The following CCNB3 variants were observed in gnomAD, a reference collection of about 807,000 sequenced individuals.
CCNB3 encodes G2/mitotic-specific cyclin-B3.
In CCNB3, 12 loss-of-function variants were observed where a neutral mutation model predicts 68.0. That is an observed-to-expected ratio of 0.18 (90% CI 0.11 to 0.29). CCNB3 has a LOEUF of 0.29. Among genes scored for constraint, CCNB3 ranks in the 10% least tolerant of loss-of-function variants. The pLI is 1.00. For synonymous variants in CCNB3, 354 were observed against 388.9 expected (o/e 0.91, Z 1.06); for missense variants, 904 against 993.1 (o/e 0.91, Z 1.21).
intron 1 of CCNB3, among the ~76,000 whole-genome samples, chrX:50,208,460 G>T (rs782351295): frequency 8.9e-6 from 1 of 111,909 alleles, no homozygotes; most frequent in South Asian, 3.8e-4. Flanking sequence ...AATGAACACG[G>T]AACATCTTTC....
At chrX:50,336,739 C>T (rs1922873351) in intron 8 of CCNB3, among the ~76,000 whole-genome samples, 1 of 111,438 alleles carries the variant, frequency 9.0e-6, no homozygotes, top group African/African-American at 3.3e-5. Context: ...GTCTTAGCCT[C>T]TCCATGTCTG....
intron 8 of CCNB3, among the ~76,000 whole-genome samples, chrX:50,319,528 A>G (rs1426570446): frequency 9.0e-6 from 1 of 111,602 alleles, no homozygotes; most frequent in Non-Finnish European, 1.9e-5. Flanking sequence ...GGGGTTATCT[A>G]CATAGATAAT....
At chrX:50,215,179 C>A (rs1186421969) in intron 1 of CCNB3, among the ~76,000 whole-genome samples, 1 of 109,271 alleles carries the variant, frequency 9.2e-6, no homozygotes, top group Non-Finnish European at 1.9e-5. Flanking sequence ...TTAGTAGAGA[C>A]AGCGTTACAC....
chrX:50,317,558 T>TGTATGTATGTAG (rs1274044123), intron 8 of CCNB3, among the ~76,000 whole-genome samples: 1 of 106,439 alleles, frequency 9.4e-6, no homozygotes, highest in Non-Finnish European at 1.9e-5. Context: ...TATGTATGTA[T>TGTATGTATGTAG]GTATGTATGT....
intron 5 of CCNB3, among the ~76,000 whole-genome samples, chrX:50,299,744 C>T (rs1457884187): frequency 9.0e-6 from 1 of 110,840 alleles, no homozygotes; most frequent in Non-Finnish European, 1.9e-5. Flanking sequence ...GTTAAAGTCT[C>T]CCATTATTAT....
At chrX:50,225,999 A>T (rs940474584) in intron 1 of CCNB3, among the ~76,000 whole-genome samples, 47 of 92,020 alleles carry the variant, frequency 5.1e-4, no homozygotes, top group African/African-American at 1.8e-3. Flanking sequence ...ATGTATATAT[A>T]AATATATATA....
chrX:50,344,425 C>T (rs782511973), intron 9 of CCNB3, among the ~76,000 whole-genome samples: 28 of 112,328 alleles, frequency 2.5e-4, no homozygotes, highest in Admixed American at 1.1e-3. Flanking sequence ...TTTTTTCTGC[C>T]GCATTTTTTG....
At chrX:50,279,567 ATT>A (rs1250149202) in intron 1 of CCNB3, among the ~76,000 whole-genome samples, 50 of 86,690 alleles carry the variant, frequency 5.8e-4, no homozygotes, top group African/African-American at 2.1e-3. Context: ...ATGAATATAT[ATT>A]TTCTATATAT....
In CCNB3 at chrX:50,312,556, T is replaced by C. The variant is rs1921520928; in HGVS notation, c.3347T>C (p.Ile1116Thr). The change falls in exon 7 of 13, where the codon ATT becomes ACT. Residue 1116 changes from isoleucine (I) to threonine (T), a missense_variant. Ile to Thr is a moderately conservative substitution (Grantham distance 89, BLOSUM62 -1). Around this residue, in one of 2 missense-constraint regions of CCNB3, gnomAD observed 285 missense variants for 383.4 expected, o/e 0.74. Coordinates refer to ENST00000376042, the MANE Select transcript of CCNB3 (RefSeq NM_033031.3). ...TPKEITPRED[I>T]DEDSSDPSFN... ...AAGCAGATAACCCCACGGGAAGATA[T>C]TGATGAGGACAGCAGTGATCCAAGT... 8.3e-7 allele frequency: 1 copy of C among 1,205,150 alleles called. No individual in the cohort carries two copies. The highest frequency in any genetic ancestry group is 1.1e-6 in the Non-Finnish European group (1 of 890,805).
At chrX:50,351,133 G>A in intron 11 of CCNB3, 108 bp from the exon 12 acceptor site, 1 of 870,746 alleles carries the variant, frequency 1.1e-6, no homozygotes, top group Non-Finnish European at 1.6e-6. Flanking sequence ...TGTTTTGAAT[G>A]TCATCTCTGT....
chrX:50,223,222 C>T (rs1157581859), intron 1 of CCNB3, among the ~76,000 whole-genome samples: 3 of 110,739 alleles, frequency 2.7e-5, no homozygotes, highest in Non-Finnish European at 3.8e-5. Flanking sequence ...TCCTTTAGCT[C>T]GGAGGAGTTT....
intron 1 of CCNB3, among the ~76,000 whole-genome samples, chrX:50,215,993 G>A (rs1306932551): frequency 3.5e-5 from 3 of 86,109 alleles, no homozygotes; most frequent in Middle Eastern, 7.8e-3. Context: ...CTGTCACCCA[G>A]GCTGGAGTGC....
chrX:50,225,649 G>C (rs1935742076), intron 1 of CCNB3, among the ~76,000 whole-genome samples: 1 of 110,075 alleles, frequency 9.1e-6, no homozygotes, highest in Non-Finnish European at 1.9e-5. Flanking sequence ...GATATATTTT[G>C]AGGTCAAATA....
chrX:50,203,478 C>T (rs1430189312), upstream of CCNB3, among the ~76,000 whole-genome samples: 1 of 111,978 alleles, frequency 8.9e-6, no homozygotes, highest in Admixed American at 9.4e-5. Flanking sequence ...TTACTGTGGA[C>T]CAATATAATT....
At chrX:50,326,751 C>T (rs1324633696) in intron 8 of CCNB3, among the ~76,000 whole-genome samples, 1 of 111,471 alleles carries the variant, frequency 9.0e-6, no homozygotes, top group Non-Finnish European at 1.9e-5. Context: ...AAGTATATTT[C>T]AGTTCTTTGG....
chrX:50,307,624 AC>A (rs201091302), intron 5 of CCNB3, among the ~76,000 whole-genome samples: 2 of 108,120 alleles, frequency 1.8e-5, no homozygotes, highest in East Asian at 2.9e-4. Context: ...CTTTTTCAAT[AC>A]CCCCCGTCCA....
intron 9 of CCNB3, among the ~76,000 whole-genome samples, chrX:50,344,188 T>A (rs944407376): frequency 8.9e-6 from 1 of 112,502 alleles, no homozygotes; most frequent in Admixed American, 9.4e-5. Flanking sequence ...CAATAGGCTA[T>A]ATACCATATA....
At position 50,347,635 on chromosome X, in the gene CCNB3, A is replaced by G. The variant is rs782737727; in HGVS notation, c.3820A>G (p.Thr1274Ala). 70 of 1,206,941 alleles carry G rather than the reference A, an allele frequency of 5.8e-5. No individual in the cohort carries two copies. Among genetic ancestry groups the G allele is most frequent in the Non-Finnish European group, 7.6e-5 (68 of 894,173 alleles). ...FLRRYARCIH[T>A]NMKTLTLSRY... ...TTCTCATTGCCTTTAGTGTATCCAC[A>G]CCAACATGAAGACACTGACCTTGTC... The change falls in exon 11 of 13, where the codon ACC (threonine) becomes GCC (alanine). Residue 1274 changes from threonine to alanine, a missense_variant. Physicochemically the swap from Thr to Ala is moderately conservative, Grantham distance 58. This residue lies in a region of CCNB3 where 285 missense variants were observed against 383.4 expected (regional missense o/e 0.74). Transcript: ENST00000376042.
chrX:50,209,314 C>T (rs1935439075), intron 1 of CCNB3, among the ~76,000 whole-genome samples: 1 of 111,145 alleles, frequency 9.0e-6, no homozygotes, highest in South Asian at 3.8e-4. Flanking sequence ...TATCGACCCT[C>T]TTAACAAATT....
Sources: allele counts gnomAD v4.1 joint callset (sites outside exome capture counted in the v4.1 genomes callset), GRCh38; gene constraint gnomAD v4.1.1; regional missense constraint gnomAD v4.1.1; transcripts MANE v1.5; gene names NCBI Gene and HGNC (gene_info 2026-07-23, HGNC 2026-07-21).